The following FGF20 variants were observed in gnomAD, a reference collection of about 807,000 sequenced individuals.
The protein encoded by FGF20 is fibroblast growth factor 20.
Under a neutral mutation model 16.7 loss-of-function variants are expected in FGF20, and 8 were observed. That is an observed-to-expected ratio of 0.48 (90% confidence interval 0.28 to 0.87). The LOEUF is 0.87. Ranked by LOEUF, FGF20 falls within the 40% of genes least tolerant of loss-of-function variation. The pLI, the probability that FGF20 is intolerant of heterozygous loss-of-function variation, is 0.10. For missense variants in FGF20, 397 were observed against 281.4 expected, an observed-to-expected ratio of 1.41 and a Z score of -2.94; for synonymous variants, 161 against 118.6, an observed-to-expected ratio of 1.36 and a Z score of -2.32.
chr8:16,997,187 T>G (rs1810074920), intron 1 of FGF20, among the ~76,000 whole-genome samples: 1 of 152,114 alleles, frequency 6.6e-6, no homozygotes, highest in Non-Finnish European at 1.5e-5. Context: ...TCCCTCTGGA[T>G]CACCCTTTTT....
In FGF20 at chr8:16,992,876, T is replaced by C. The variant is rs1809946724; in HGVS notation, c.*196A>G. On this transcript the variant is annotated 3_prime_UTR_variant, in exon 3 of 3. Coordinates refer to ENST00000180166, the MANE Select transcript of FGF20 (RefSeq NM_019851.3). ...TATCTAAGGGAACTTAATCCACATATAAAGAGTGATCATGATCTATTTCTA... is the reference window on the plus strand; with the variant it reads ...TATCTAAGGGAACTTAATCCACATACAAAGAGTGATCATGATCTATTTCTA... 6.4e-6 allele frequency: 4 copies of C among 625,986 alleles called. No individual in the cohort carries two copies. The highest frequency in any genetic ancestry group is 1.1e-5 in the Non-Finnish European group (4 of 372,450). The allele number at this position is 625,986 out of a possible 1,614,324, so 38.8% of individuals were successfully genotyped here. A position where few individuals can be genotyped will look rare whatever the true frequency, so the allele number is the denominator to read the frequency against.
chr8:16,996,238 C>A (rs1009861753), intron 1 of FGF20, among the ~76,000 whole-genome samples: 1 of 152,080 alleles, frequency 6.6e-6, no homozygotes, highest in Admixed American at 6.5e-5. Context: ...TGTCCATGAG[C>A]CTAGTCTTTC....
Position 17,002,062 on chromosome 8 carries a change from C to A in FGF20, c.-30G>T, listed in dbSNP as rs1810202409. The A allele has an allele frequency of 1.3e-6, 2 of 1,508,588 alleles. No individual in the cohort carries two copies. The highest frequency in any genetic ancestry group is 1.4e-5 in the African/African-American group (1 of 69,068). The allele number at this position is 1,508,588 out of a possible 1,614,324, so 93.5% of individuals were successfully genotyped here. On this transcript the variant is annotated 5_prime_UTR_variant, in exon 1 of 3. Coordinates refer to ENST00000180166, the MANE Select transcript of FGF20 (RefSeq NM_019851.3). ...GGGGAGATCCGGAACACAAAAGACC[C>A]CCCCAGTAAAGAGTGTTGTGGGGGT...
chr8:17,002,260 C>A lies in FGF20; in HGVS notation c.-228G>T. ...AGGTGGGAGCCGGCTGCTGGCTCTG[C>A]AGAAATATCTATAGCTGCCGCTGCC... On this transcript the variant is annotated 5_prime_UTR_variant, in exon 1 of 3. Transcript: ENST00000180166. 2 of 467,206 alleles carry A rather than the reference C, an allele frequency of 4.3e-6. No homozygotes were observed. The highest frequency in any genetic ancestry group is 7.7e-5 in the South Asian group (2 of 26,086). The allele number at this position is 467,206 out of a possible 1,614,324, so 28.9% of individuals were successfully genotyped here.
rs1486159825 is a variant in FGF20, at chr8:16,995,687, C to G, written c.358G>C (p.Gly120Arg). Residue 120 changes from glycine to arginine, a missense_variant, in exon 2 of 3, where the codon GGA becomes CGA. Transcript: ENST00000180166. ...IRGVDSGLYL[G>R]MNDKGELYGS... ...TAGAGTTCTCCTTTGTCATTCATTC[C>G]AAGATAGAGACCACTGTCCACACCT... is the stretch of plus-strand genomic sequence containing the variant. 5.6e-6 allele frequency: 9 copies of G among 1,602,712 alleles called. No homozygotes were observed. Among genetic ancestry groups the G allele is most frequent in the Middle Eastern group, 1.7e-4 (1 of 6,020 alleles).
intron 1 of FGF20, among the ~76,000 whole-genome samples, chr8:17,000,153 G>T (rs1810149805): frequency 6.6e-6 from 1 of 152,062 alleles, no homozygotes; most frequent in Non-Finnish European, 1.5e-5. Flanking sequence ...CCGGAGGCCA[G>T]AAGTTAGAAA....
chr8:16,995,890 C>A, intron 1 of FGF20, 132 bp from the exon 2 acceptor site: 1 of 520,200 alleles, frequency 1.9e-6, no homozygotes, highest in Non-Finnish European at 3.4e-6. Context: ...GTGTAAAAGT[C>A]CTTTGTACAC....
chr8:16,992,940 C>T lies in FGF20; in HGVS notation c.*132G>A. The T allele has an allele frequency of 8.3e-7, 1 of 1,200,444 alleles. No individual in the cohort carries two copies. Among genetic ancestry groups the T allele is most frequent in the Non-Finnish European group, 1.2e-6 (1 of 865,274 alleles). The allele number at this position is 1,200,444 out of a possible 1,614,324, so 74.4% of individuals were successfully genotyped here. On this transcript the variant is annotated 3_prime_UTR_variant, in exon 3 of 3. Transcript: ENST00000180166. ...TTGGTTTTTTTTCTCAATATTCTTT[C>T]CAAATCCAGTCTCTCAGTAGAAAAT...
At position 16,993,192 on chromosome 8, in the gene FGF20, G is replaced by A. The variant is rs376980441; in HGVS notation, c.516C>T (p.Asp172=). 9.3e-6 allele frequency: 15 copies of A among 1,613,902 alleles called. No homozygotes were observed. In the African/African-American group the frequency reaches 9.3e-5, roughly 10 times the overall value. Residue 172 remains aspartate, a synonymous_variant, in exon 3 of 3, where the codon GAC becomes GAT. Transcript: ENST00000180166. The part of the protein sequence containing the change: ...GRRYFVALNK[D]GTPRDGARSK... ...ACCTGGCGCCATCTCTTGGAGTTCC[G>A]TCTTTGTTAAGTGCCACAAAATACC...
intron 1 of FGF20, 47 bp from the exon 2 acceptor site, chr8:16,995,805 C>A (rs7822152): frequency 9.7e-6 from 11 of 1,132,086 alleles, no homozygotes; most frequent in Non-Finnish European, 1.0e-5. Flanking sequence ...TGTATTTATG[C>A]ATGAGCATAT....
At chr8:17,000,278 C>G (rs1368201054) in intron 1 of FGF20, among the ~76,000 whole-genome samples, 1 of 152,182 alleles carries the variant, frequency 6.6e-6, no homozygotes, top group African/African-American at 2.4e-5. Flanking sequence ...TCAGTGGAAG[C>G]TGCAAACATG....
intron 1 of FGF20, among the ~76,000 whole-genome samples, chr8:16,999,834 C>G (rs1319703861): frequency 6.6e-6 from 1 of 151,858 alleles, no homozygotes; most frequent in African/African-American, 2.4e-5. Flanking sequence ...CCACTGCGCC[C>G]AGCCCCAAGT....
intron 1 of FGF20, 86 bp downstream of exon 1, chr8:17,001,661 G>C: frequency 7.2e-7 from 1 of 1,387,686 alleles, no homozygotes; most frequent in Non-Finnish European, 9.4e-7. Context: ...GACGCCCTTG[G>C]CAGGCAAAGA....
chr8:17,001,678 T>G, intron 1 of FGF20, 69 bp downstream of exon 1: 2 of 1,445,866 alleles, frequency 1.4e-6, no homozygotes, highest in Non-Finnish European at 1.8e-6. Flanking sequence ...AAGAGGGAGG[T>G]GCAAGGGGAG....
chr8:16,995,617 G>A, intron 2 of FGF20, 38 bp downstream of exon 2: 1 of 865,774 alleles, frequency 1.2e-6, no homozygotes, highest in Non-Finnish European at 1.7e-6. Context: ...AATATTTTAA[G>A]AATTACAATA....
chr8:17,001,380 G>T (rs1810176746), intron 1 of FGF20, among the ~76,000 whole-genome samples: 1 of 152,230 alleles, frequency 6.6e-6, no homozygotes, highest in East Asian at 1.9e-4. Flanking sequence ...AACTGACTGC[G>T]AGGTAAGCAG....
At chr8:17,000,193 T>C (rs563478258) in intron 1 of FGF20, among the ~76,000 whole-genome samples, 2 of 152,214 alleles carry the variant, frequency 1.3e-5, no homozygotes, top group South Asian at 4.1e-4. Flanking sequence ...TAAAAACCAC[T>C]TTCTAAAAGT....
intron 1 of FGF20, among the ~76,000 whole-genome samples, chr8:16,998,982 A>G (rs17515006): frequency 6.6e-6 from 1 of 152,204 alleles, no homozygotes; most frequent in African/African-American, 2.4e-5. Context: ...TTTAAAAAAC[A>G]TAATAATTTA....
chr8:16,998,000 G>A (rs1384392209), intron 1 of FGF20, among the ~76,000 whole-genome samples: 1 of 152,096 alleles, frequency 6.6e-6, no homozygotes, highest in Non-Finnish European at 1.5e-5. Flanking sequence ...GTCTTTCAAA[G>A]AACAGGAACT....
Sources: gnomAD v4.1 joint callset for allele counts (sites outside exome capture counted in the v4.1 genomes callset) on GRCh38, gnomAD v4.1.1 for gene constraint, MANE v1.5 for transcripts, NCBI Gene and HGNC (gene_info 2026-07-23, HGNC 2026-07-21) for gene names.